Variants in CYB5R4 observed in about 807,000 individuals in gnomAD.
CYB5R4 encodes the protein N-terminal cytochrome b5 and cytochrome b5 oxidoreductase domain-containing protein.
In CYB5R4, 55 loss-of-function variants were observed where a neutral mutation model predicts 70.2. The observed-to-expected ratio is 0.78, with a 90% CI of 0.63 to 0.98. The LOEUF (loss-of-function observed/expected upper bound fraction) is 0.98, where lower values mean the gene tolerates loss of function less well. Ranked by LOEUF, CYB5R4 falls within the 50% of genes least tolerant of loss-of-function variation. The pLI, the probability that CYB5R4 is intolerant of heterozygous loss-of-function variation, is 0.00. For synonymous variants in CYB5R4, 197 were observed against 199.5 expected (o/e 0.99, Z 0.11); for missense variants, 562 against 612.6 (o/e 0.92, Z 0.87).
intron 1 of CYB5R4, among the ~76,000 whole-genome samples, chr6:83,860,525 G>T (rs1405663449): frequency 6.6e-6 from 1 of 152,210 alleles, no homozygotes; most frequent in Non-Finnish European, 1.5e-5. Flanking sequence ...ATACTGTACA[G>T]ATATATTTTA....
At chr6:83,882,692 G>T (rs1023011418) in intron 2 of CYB5R4, among the ~76,000 whole-genome samples, 21 of 152,118 alleles carry the variant, frequency 1.4e-4, no homozygotes, top group Admixed American at 4.6e-4. Flanking sequence ...GTAAGTAAAA[G>T]AATATATGAT....
At chr6:83,920,952 A>G (rs1673823588) in intron 7 of CYB5R4, 130 bp from the exon 8 acceptor site, 2 of 624,394 alleles carry the variant, frequency 3.2e-6, no homozygotes, top group Non-Finnish European at 2.4e-6. Context: ...CAGAAGTCAC[A>G]TTTGTTTAGC....
chr6:83,931,896 A>ACC (rs1315182833), intron 10 of CYB5R4, among the ~76,000 whole-genome samples: 3 of 151,204 alleles, frequency 2.0e-5, no homozygotes, highest in African/African-American at 7.3e-5. Context: ...GGTGTGCTGC[A>ACC]CCCATTAACT....
intron 3 of CYB5R4, among the ~76,000 whole-genome samples, chr6:83,906,573 T>C (rs984349475): frequency 6.6e-6 from 1 of 152,222 alleles, no homozygotes; most frequent in African/African-American, 2.4e-5. Context: ...TTCTCCAACC[T>C]GAGTCTTTCT....
At chr6:83,912,056 C>CAAAAA (rs34601186) in intron 4 of CYB5R4, among the ~76,000 whole-genome samples, 10 of 64,668 alleles carry the variant, frequency 1.5e-4, no homozygotes, top group African/African-American at 5.0e-4. Context: ...GGCCTTGTCT[C>CAAAAA]AAAAAAAAAA....
At chr6:83,905,679 G>A (rs1015513825) in intron 3 of CYB5R4, among the ~76,000 whole-genome samples, 4 of 152,056 alleles carry the variant, frequency 2.6e-5, no homozygotes, top group Non-Finnish European at 5.9e-5. Flanking sequence ...GGTTCATCAA[G>A]GCAAGCTGAT....
Position 83,864,236 on chromosome 6 carries a change from A to G in CYB5R4, c.137A>G (p.Asp46Gly). The change falls in exon 2 of 16, where the codon GAT becomes GGT. Residue 46 changes from aspartate (D) to glycine (G), a missense_variant. By Grantham distance (94) the Asp-to-Gly change is moderately conservative. Transcript: ENST00000369681. ...DWIRLTKSGK[D>G]LTGLKGRLIE... ...ATTCGACTGACCAAAAGTGGAAAGG[A>G]TCTAACGGGATTAAAAGGCAGGTTA... 6.2e-7 allele frequency: 1 copy of G among 1,613,552 alleles called. No individual in the cohort carries two copies.
intron 10 of CYB5R4, 151 bp downstream of exon 10, chr6:83,924,743 T>A: frequency 1.3e-6 from 1 of 773,846 alleles, no homozygotes; most frequent in Non-Finnish European, 2.0e-6. Context: ...ATGTGTGTTG[T>A]CCTGCTTTTT....
chr6:83,892,482 GTCTGGTA>G (rs1203639914), intron 2 of CYB5R4, among the ~76,000 whole-genome samples: 2 of 152,066 alleles, frequency 1.3e-5, no homozygotes, highest in Non-Finnish European at 2.9e-5. Flanking sequence ...GGCTAGATTT[GTCTGGTA>G]TCTATCTAGT....
intron 14 of CYB5R4, among the ~76,000 whole-genome samples, chr6:83,941,860 G>A (rs1441296460): frequency 6.6e-6 from 1 of 152,174 alleles, no homozygotes; most frequent in African/African-American, 2.4e-5. Flanking sequence ...AAAATTGGAA[G>A]CGTTTATCAA....
intron 2 of CYB5R4, among the ~76,000 whole-genome samples, chr6:83,871,137 C>T (rs911902241): frequency 6.6e-5 from 10 of 151,962 alleles, no homozygotes; most frequent in East Asian, 5.8e-4. Context: ...CAGCCATGCC[C>T]GGCTAATTTT....
chr6:83,885,234 C>T (rs1236160550), intron 2 of CYB5R4, among the ~76,000 whole-genome samples: 4 of 152,148 alleles, frequency 2.6e-5, no homozygotes, highest in Middle Eastern at 3.4e-3. Context: ...ATGGCATCTT[C>T]GATATTCTAT....
rs2099473470 is a variant in CYB5R4, at chr6:83,962,374, T to C, written c.*2496T>C. The C allele has an allele frequency of 6.6e-6, 1 of 152,216 alleles. No homozygotes were observed. Among genetic ancestry groups the C allele is most frequent in the African/African-American group, 2.4e-5 (1 of 41,460 alleles). 9.4% of individuals were successfully genotyped at this position (152,216 alleles called of 1,614,324 possible). Reference sequence around the variant, plus strand: ...GCAACCAAATACTGAGGAGCACAGATAGGAGTATAGTTTATCACTGTTATT... The same window carrying C: ...GCAACCAAATACTGAGGAGCACAGACAGGAGTATAGTTTATCACTGTTATT... On this transcript the variant is annotated 3_prime_UTR_variant, in exon 16 of 16. Transcript: ENST00000369681.
chr6:83,902,013 A>T (rs1212212495), intron 3 of CYB5R4, among the ~76,000 whole-genome samples: 2 of 152,194 alleles, frequency 1.3e-5, no homozygotes, highest in East Asian at 1.9e-4. Flanking sequence ...GCTGTGTAGA[A>T]ACTTTTAAGT....
chr6:83,919,651 G>A (rs1384540469), intron 7 of CYB5R4, among the ~76,000 whole-genome samples, 197 bp downstream of exon 7: 1 of 152,080 alleles, frequency 6.6e-6, no homozygotes, highest in Non-Finnish European at 1.5e-5. Flanking sequence ...ACACTGAGTG[G>A]CAGATCTGGC....
intron 4 of CYB5R4, chr6:83,910,113 G>T: frequency 3.1e-6 from 5 of 1,604,744 alleles, no homozygotes; most frequent in Non-Finnish European, 4.2e-6. Context: ...TAGACACCAG[G>T]ACCTATAGTG....
chr6:83,920,493 G>A (rs1462316881), intron 7 of CYB5R4, among the ~76,000 whole-genome samples: 1 of 152,102 alleles, frequency 6.6e-6, no homozygotes, highest in African/African-American at 2.4e-5. Flanking sequence ...GAACACAGAG[G>A]ATGGATGGCT....
rs1206911954 is a variant in CYB5R4, at chr6:83,922,538, C to A, written c.691+68C>A. On this transcript the variant is annotated intron_variant, in intron 9 of 15. Transcript: ENST00000369681. ...ACACATACCTACAGAGAGAGAGATACGAAAAAATTGAAAAATTAGCATTTG... is the reference window on the plus strand; with the variant it reads ...ACACATACCTACAGAGAGAGAGATAAGAAAAAATTGAAAAATTAGCATTTG... The A allele has an allele frequency of 4.8e-5, 54 of 1,119,806 alleles. 2 individuals are homozygous for A. In the South Asian group the frequency reaches 5.5e-4, roughly 11 times the overall value. The allele number at this position is 1,119,806 out of a possible 1,614,324, so 69.4% of individuals were successfully genotyped here.
At chr6:83,868,118 G>C (rs2099457027) in intron 2 of CYB5R4, among the ~76,000 whole-genome samples, 2 of 151,950 alleles carry the variant, frequency 1.3e-5, no homozygotes, top group African/African-American at 4.8e-5. Flanking sequence ...ATAGTGTTTG[G>C]ACCCAAGTTT....
Sources: gnomAD v4.1 joint callset for allele counts (sites outside exome capture counted in the v4.1 genomes callset) on GRCh38, gnomAD v4.1.1 for gene constraint, MANE v1.5 for transcripts, NCBI Gene and HGNC (gene_info 2026-07-23, HGNC 2026-07-21) for gene names.